NOTCH2: variants seen among roughly 807,000 people sequenced by gnomAD.
The protein encoded by NOTCH2 is notch receptor 2.
A neutral mutation model predicts 235.8 loss-of-function variants in NOTCH2; 29 were observed. That is an observed-to-expected ratio of 0.12 (90% CI 0.09 to 0.17). The LOEUF is 0.17. NOTCH2 is among the 10% of genes least tolerant of loss of function. The pLI, the probability that NOTCH2 is intolerant of heterozygous loss-of-function variation, is 1.00. For missense variants in NOTCH2, 2,285 were observed against 3,150.2 expected (o/e 0.73, Z 6.57); for synonymous variants, 1,086 against 1,141.5 (o/e 0.95, Z 0.98).
intron 22 of NOTCH2, 165 bp downstream of exon 22, chr1:119,935,307 A>G (rs1649809310): frequency 6.4e-7 from 1 of 1,570,460 alleles, no homozygotes; most frequent in African/African-American, 1.3e-5. Context: ...AGCTAGCAAG[A>G]GATGGGAGAA....
chr1:119,930,085 G>A (rs1284422116), intron 22 of NOTCH2, among the ~76,000 whole-genome samples: 1 of 152,132 alleles, frequency 6.6e-6, no homozygotes, highest in Non-Finnish European at 1.5e-5. Flanking sequence ...CTCTGTTTGT[G>A]TAATTACACT....
chr1:119,935,263 CAGATAAAACTGACA>C, intron 22 of NOTCH2, 195 bp downstream of exon 22: 1 of 1,473,754 alleles, frequency 6.8e-7, no homozygotes, highest in South Asian at 1.4e-5. Context: ...GCCAAACAAC[CAGATAAAACTGACA>C]ACATAAACCA....
chr1:120,042,018 C>T (rs77548099), intron 1 of NOTCH2, among the ~76,000 whole-genome samples: 2 of 144,534 alleles, frequency 1.4e-5, no homozygotes, highest in East Asian at 1.9e-4. Context: ...AGCGAGCGAA[C>T]GAGCAGATGC....
At chr1:119,969,187 C>T (rs1553200071) in intron 6 of NOTCH2, among the ~76,000 whole-genome samples, 1 of 152,196 alleles carries the variant, frequency 6.6e-6, no homozygotes, top group Non-Finnish European at 1.5e-5. Context: ...ATTTATTAGC[C>T]ATTTTATCTT....
Position 119,959,460 on chromosome 1 carries a change from G to C in NOTCH2, c.1958C>G (p.Pro653Arg). ...EINFDDCASN[P>R]CIHGICMDGI... ...ATCCATACAGATTCCATGGATACAAGGGTTACTTGCACAGTCATCAAAATT... is the reference window on the plus strand; with the variant it reads ...ATCCATACAGATTCCATGGATACAACGGTTACTTGCACAGTCATCAAAATT... Residue 653 changes from proline to arginine, a missense_variant, in exon 12 of 34, where the codon CCT becomes CGT. By Grantham distance (103) the Pro-to-Arg change is moderately radical. Transcript: ENST00000256646. The C allele has an allele frequency of 6.2e-7, 1 of 1,611,044 alleles. No homozygotes were observed. Among genetic ancestry groups the C allele is most frequent in the Non-Finnish European group, 8.5e-7 (1 of 1,177,230 alleles).
intron 1 of NOTCH2, among the ~76,000 whole-genome samples, chr1:120,047,822 T>C (rs1261067655): frequency 1.3e-4 from 16 of 125,646 alleles, no homozygotes; most frequent in Non-Finnish European, 1.9e-4. Context: ...TGGAGTGCAA[T>C]GGCGTGATCT....
At chr1:119,959,820 A>C (rs782460709) in intron 11 of NOTCH2, among the ~76,000 whole-genome samples, 26 of 152,240 alleles carry the variant, frequency 1.7e-4, no homozygotes, top group Non-Finnish European at 3.2e-4. Context: ...CTGTACTATA[A>C]TTATTCTACT....
At chr1:119,928,634 T>G (rs1379306643) in intron 23 of NOTCH2, among the ~76,000 whole-genome samples, 2 of 152,224 alleles carry the variant, frequency 1.3e-5, no homozygotes, top group African/African-American at 4.8e-5. Flanking sequence ...CACTTTAAAA[T>G]GATTCAGATA....
intron 5 of NOTCH2, among the ~76,000 whole-genome samples, chr1:119,972,901 G>A (rs1553200538): frequency 6.6e-6 from 1 of 152,182 alleles, no homozygotes; most frequent in Non-Finnish European, 1.5e-5. Flanking sequence ...ACAGACATGG[G>A]GAAGTGGACA....
chr1:119,999,602 C>T (rs1652627591), intron 3 of NOTCH2, among the ~76,000 whole-genome samples: 1 of 151,744 alleles, frequency 6.6e-6, no homozygotes, highest in African/African-American at 2.4e-5. Context: ...GATCCCTGGG[C>T]CGGAAGTGGT....
intron 1 of NOTCH2, among the ~76,000 whole-genome samples, chr1:120,033,111 A>G (rs1654160583): frequency 6.7e-6 from 1 of 149,438 alleles, no homozygotes; most frequent in African/African-American, 2.5e-5. Context: ...GTGTCCATCA[A>G]CAGATGAATG....
At position 119,916,462 on chromosome 1, in the gene NOTCH2, G is replaced by A. The variant is rs1251232693; in HGVS notation, c.6260C>T (p.Pro2087Leu). The A allele has an allele frequency of 6.2e-7, 1 of 1,613,046 alleles. No individual in the cohort carries two copies. The highest frequency in any genetic ancestry group is 8.5e-7 in the Non-Finnish European group (1 of 1,179,220). ...CTTCAGGCTGAGGAAAGATCTGTTG[G>A]GCCCACAGATGACAGGTGAGAGAGC... ...TSALSPVICGPNRSFLSLKHT... is the reference protein window; with the variant it reads ...TSALSPVICGLNRSFLSLKHT... The change falls in exon 34 of 34, where the codon CCC becomes CTC. Residue 2087 changes from proline (P) to leucine (L), a missense_variant. Physicochemically the swap from Pro to Leu is moderately conservative, Grantham distance 98 (BLOSUM62 -3). Around this residue, in one of 6 missense-constraint regions of NOTCH2, gnomAD observed 504 missense variants for 538.0 expected, o/e 0.94. Transcript: ENST00000256646.
Position 119,968,327 on chromosome 1 carries a change from A to C in NOTCH2, c.1109-95T>G. ...ACCCAGGAGGGAAAACCTCATGATC[A>C]GTTCCTCAGAATCCAACATGGAGAT... On this transcript the variant is annotated intron_variant, in intron 6 of 33. Coordinates refer to ENST00000256646, the MANE Select transcript of NOTCH2 (RefSeq NM_024408.4). The C allele has an allele frequency of 3.1e-6, 4 of 1,289,490 alleles. No homozygotes were observed. In the Admixed American group the frequency reaches 7.7e-5, roughly 25 times the overall value. 79.9% of individuals were successfully genotyped at this position (1,289,490 alleles called of 1,614,324 possible).
At chr1:119,977,519 G>A (rs1651633150) in intron 5 of NOTCH2, among the ~76,000 whole-genome samples, 1 of 152,208 alleles carries the variant, frequency 6.6e-6, no homozygotes, top group African/African-American at 2.4e-5. Flanking sequence ...TAGAGCTCCT[G>A]CAGTCCTCCT....
chr1:120,067,522 T>C (rs1553217311), intron 1 of NOTCH2, among the ~76,000 whole-genome samples: 1 of 152,210 alleles, frequency 6.6e-6, no homozygotes, highest in Non-Finnish European at 1.5e-5. Context: ...ACAATTATAT[T>C]TATTATTCCC....
rs2101140095 is a variant in NOTCH2 at position 119,965,521 on chromosome 1, C to T, written c.1613G>A (p.Ser538Asn). 2 of 1,614,040 alleles carry T rather than the reference C, an allele frequency of 1.2e-6. No individual in the cohort carries two copies. Among genetic ancestry groups the T allele is most frequent in the South Asian group, 1.1e-5 (1 of 91,092 alleles). ...CTTTGCCCCATTCAGACACGGAGTA[C>T]TGGAACAGTCATCAATATCAATCTG... ...VCQIDIDDCS[S>N]TPCLNGAKCI... The change falls in exon 10 of 34, where the codon AGT becomes AAT. Residue 538 changes from serine to asparagine, a missense_variant. Around this residue, in one of 6 missense-constraint regions of NOTCH2, gnomAD observed 431 missense variants for 757.8 expected, o/e 0.57. Transcript: ENST00000256646.
intron 22 of NOTCH2, among the ~76,000 whole-genome samples, chr1:119,934,280 G>A (rs141915976): frequency 6.6e-6 from 1 of 152,262 alleles, no homozygotes; most frequent in East Asian, 1.9e-4. Context: ...CGTGCTTCCT[G>A]TACAGCCTAT....
At chr1:120,001,621 T>A (rs1553205397) in intron 3 of NOTCH2, among the ~76,000 whole-genome samples, 1 of 151,978 alleles carries the variant, frequency 6.6e-6, no homozygotes, top group African/African-American at 2.4e-5. Context: ...TGGTGGCAGG[T>A]TGATTATGTT....
rs2746766 is a variant in NOTCH2 at position 119,995,578 on chromosome 1, C to T, written c.751+1419G>A. 12 of 152,182 alleles carry T rather than the reference C, an allele frequency of 7.9e-5. No individual in the cohort carries two copies. In the South Asian group the frequency reaches 8.3e-4, roughly 11 times the overall value. The allele number at this position is 152,182 out of a possible 1,614,324, so 9.4% of individuals were successfully genotyped here. On this transcript the variant is annotated intron_variant, in intron 4 of 33. Transcript: ENST00000256646. ...AAACAAATGCAGGAGTGAAGACAGA[C>T]GTATTTTAGTTATTTCTTCTACAAG...
Sources: allele counts gnomAD v4.1 joint callset (sites outside exome capture counted in the v4.1 genomes callset), GRCh38; gene constraint gnomAD v4.1.1; regional missense constraint gnomAD v4.1.1; transcripts MANE v1.5; gene names NCBI Gene and HGNC (gene_info 2026-07-23, HGNC 2026-07-21).